Variants in LONRF3 observed in about 807,000 individuals in gnomAD.
LONRF3 encodes LON peptidase N-terminal domain and ring finger 3, also known as LON peptidase N-terminal domain and RING finger protein 3.
Under a neutral mutation model 51.7 loss-of-function variants are expected in LONRF3, and 19 were observed. The observed-to-expected ratio is 0.37, with a 90% CI of 0.26 to 0.54. The LOEUF is 0.54. Among genes scored for constraint, LONRF3 ranks in the 20% least tolerant of loss-of-function variants. The probability of loss-of-function intolerance (pLI) is 0.86; values close to 1 mark genes in which losing one functional copy is unlikely to be tolerated. For synonymous variants in LONRF3, 265 were observed against 257.8 expected, an observed-to-expected ratio of 1.03 and a Z score of -0.27; for missense variants, 521 against 623.9, an observed-to-expected ratio of 0.84 and a Z score of 1.76.
chrX:118,990,929 C>T (rs868053119), intron 5 of LONRF3, among the ~76,000 whole-genome samples: 2 of 111,405 alleles, frequency 1.8e-5, no homozygotes, highest in Admixed American at 9.5e-5. Context: ...GCGATTTCAG[C>T]TCACTGCAAC....
chrX:118,988,758 G>A (rs925897032), intron 3 of LONRF3, among the ~76,000 whole-genome samples: 3 of 107,582 alleles, frequency 2.8e-5, no homozygotes, highest in African/African-American at 1.0e-4. Flanking sequence ...TTCTTGAAAA[G>A]GCTAGAGACA....
chrX:119,017,712 G>A lies in LONRF3; in HGVS notation c.*22G>A, dbSNP rs771115655. On this transcript the variant is annotated 3_prime_UTR_variant, in exon 11 of 11. Coordinates refer to ENST00000371628, the MANE Select transcript of LONRF3 (RefSeq NM_001031855.3). ...CTAGTGAGTGGATTGCCGAAGAGGA[G>A]CTCCCACCTTCCCCACTGCCGTCGG... 7 of 1,155,838 alleles carry A rather than the reference G, an allele frequency of 6.1e-6. No individual in the cohort carries two copies. In the African/African-American group the frequency reaches 1.3e-4, roughly 21 times the overall value.
intron 7 of LONRF3, 72 bp from the exon 8 acceptor site, chrX:119,011,743 C>T: frequency 9.1e-7 from 1 of 1,094,730 alleles, no homozygotes; most frequent in Non-Finnish European, 1.3e-6. Flanking sequence ...GTATCACATG[C>T]TAACATTTGA....
At chrX:119,003,393 ATTT>A (rs1386042351) in intron 5 of LONRF3, among the ~76,000 whole-genome samples, 1 of 111,461 alleles carries the variant, frequency 9.0e-6, no homozygotes, top group Non-Finnish European at 1.9e-5. Context: ...CATGGAATTG[ATTT>A]TTGCGAATGA....
chrX:118,975,728 C>CCCTTGGAGTGGGGG, intron 1 of LONRF3, 131 bp downstream of exon 1: 1 of 43,657 alleles, frequency 2.3e-5, no homozygotes, highest in Non-Finnish European at 4.2e-5. Context: ...TGGACTGTGG[C>CCCTTGGAGTGGGGG]GGGGTGGGGG....
rs1569299303 is a variant in LONRF3, at chrX:119,014,209, T to A, written c.1977T>A (p.Val659=). The change falls in exon 10 of 11, where the codon GTT becomes GTA. Residue 659 remains valine, a splice_region_variant and synonymous_variant. Coordinates refer to ENST00000371628, the MANE Select transcript of LONRF3 (RefSeq NM_001031855.3). ...CACTTCCACTTTGATACTTTCAGGT[T>A]CAGGGAGAGGATTGTGCTGAGCTCA... ...ADIEYIEDQK[V]QGEDCAELMG... is the part of the protein sequence containing the mutation. 1 of 1,204,232 alleles carries A rather than the reference T, an allele frequency of 8.3e-7. No homozygotes were observed. Among genetic ancestry groups the A allele is most frequent in the East Asian group, 3.0e-5 (1 of 33,733 alleles).
intron 3 of LONRF3, among the ~76,000 whole-genome samples, chrX:118,985,432 C>T (rs1279029897): frequency 9.0e-6 from 1 of 111,585 alleles, no homozygotes; most frequent in Non-Finnish European, 1.9e-5. Context: ...CATTTAACTC[C>T]TGTGCCAACT....
intron 6 of LONRF3, 95 bp downstream of exon 6, chrX:119,006,330 C>A: frequency 1.8e-6 from 1 of 548,762 alleles, no homozygotes; most frequent in Non-Finnish European, 2.9e-6. Flanking sequence ...CAGTGTTCAA[C>A]TGGACCCCCA....
rs142579791 is a variant in LONRF3, at chrX:118,989,647, G to A, written c.1299G>A (p.Gly433=). 1.7e-6 allele frequency: 2 copies of A among 1,210,574 alleles called. No individual in the cohort carries two copies. The highest frequency in any genetic ancestry group is 3.5e-5 in the South Asian group (2 of 56,638). Residue 433 remains glycine (G), a synonymous_variant, in exon 4 of 11, where the codon GGG becomes GGA. Coordinates refer to ENST00000371628, the MANE Select transcript of LONRF3 (RefSeq NM_001031855.3). ...HCQIESQEET[G]MPNKASKQDP... ...AGATTGAATCCCAAGAAGAAACGGG[G>A]ATGCCTAATAAAGCCTCCAAGCAAG...
chrX:118,990,599 T>G (rs1923354494), intron 5 of LONRF3, 39 bp downstream of exon 5: 2 of 1,085,610 alleles, frequency 1.8e-6, no homozygotes, highest in Non-Finnish European at 2.6e-6. Context: ...CTGATGTTTC[T>G]TCATCTCTGG....
Position 118,974,885 on chromosome X carries a change from G to A in LONRF3, c.105G>A (p.Met35Ile), listed in dbSNP as rs1300874199. 8.3e-7 allele frequency: 1 copy of A among 1,201,929 alleles called. No homozygotes were observed. Residue 35 changes from methionine to isoleucine, a missense_variant, in exon 1 of 11, where the codon ATG becomes ATA. Coordinates refer to ENST00000371628, the MANE Select transcript of LONRF3 (RefSeq NM_001031855.3). ...ERGASAAQVDMGPHPKVAAEG... is the reference protein window; with the variant it reads ...ERGASAAQVDIGPHPKVAAEG... ...GGGCATCAGCGGCCCAAGTAGACAT[G>A]GGCCCCCACCCAAAGGTGGCTGCAG...
chrX:119,006,323 T>C (rs1049411062), intron 6 of LONRF3, 88 bp downstream of exon 6: 11 of 611,812 alleles, frequency 1.8e-5, no homozygotes, highest in Non-Finnish European at 2.5e-5. Context: ...ACTAAGACAG[T>C]GTTCAACTGG....
intron 5 of LONRF3, among the ~76,000 whole-genome samples, chrX:118,998,141 C>T (rs1464498785): frequency 1.8e-5 from 2 of 110,965 alleles, no homozygotes; most frequent in African/African-American, 6.6e-5. Flanking sequence ...GAAAAGAAGC[C>T]ATTATTCAAG....
At chrX:119,013,353 G>T in intron 9 of LONRF3, 152 bp downstream of exon 9, 1 of 584,983 alleles carries the variant, frequency 1.7e-6, no homozygotes, top group Non-Finnish European at 2.6e-6. Flanking sequence ...CTGGATTGCT[G>T]TCCAGTTGCA....
Position 119,002,704 on chromosome X carries a change from G to T in LONRF3, c.1416-3417G>T, listed in dbSNP as rs142959659. On this transcript the variant is annotated intron_variant, in intron 5 of 10. Transcript: ENST00000371628. The stretch of plus-strand genomic sequence containing the variant: ...TCTAGATACAAGTTCTTTGCTAGTC[G>T]TATGTGTTGCAGATACCTTCTCCTA... Among the ~76,000 whole-genome samples the T allele has an allele frequency of 1.7e-3, 195 of 111,931 alleles. 1 individual carries two copies. Among genetic ancestry groups the T allele is most frequent in the Non-Finnish European group, 3.3e-3 (175 of 53,163 alleles).
chrX:119,000,838 T>A (rs1924259957), intron 5 of LONRF3, among the ~76,000 whole-genome samples: 4 of 53,402 alleles, frequency 7.5e-5, no homozygotes, highest in Middle Eastern at 0.022. Flanking sequence ...TCTCTCTCTC[T>A]CACTGTCACT....
intron 9 of LONRF3, among the ~76,000 whole-genome samples, chrX:119,013,878 T>C (rs773579937): frequency 1.8e-5 from 2 of 112,005 alleles, no homozygotes; most frequent in African/African-American, 3.2e-5. Flanking sequence ...GATGTAAAAA[T>C]GAAAAGGGCA....
intron 2 of LONRF3, among the ~76,000 whole-genome samples, chrX:118,981,498 A>AAAG (rs386417465): frequency 1.8e-5 from 2 of 108,519 alleles, no homozygotes; most frequent in Non-Finnish European, 3.8e-5. Flanking sequence ...AAAAAAAAAA[A>AAAG]AGAGTATATG....
At chrX:119,005,052 A>C (rs986640021) in intron 5 of LONRF3, among the ~76,000 whole-genome samples, 1 of 112,164 alleles carries the variant, frequency 8.9e-6, no homozygotes, top group Non-Finnish European at 1.9e-5. Flanking sequence ...TTCAGCTGGC[A>C]TGTTGCTTCT....
Sources: gnomAD v4.1 joint callset for allele counts (sites outside exome capture counted in the v4.1 genomes callset) on GRCh38, gnomAD v4.1.1 for gene constraint, MANE v1.5 for transcripts, NCBI Gene and HGNC (gene_info 2026-07-23, HGNC 2026-07-21) for gene names.